Variants in FARP2 observed in about 807,000 individuals in gnomAD.
FARP2 encodes the protein FERM, ARHGEF and pleckstrin domain-containing protein 2.
Under a neutral mutation model 130.5 loss-of-function variants are expected in FARP2, and 111 were observed. The observed-to-expected ratio is 0.85, with a 90% CI of 0.73 to 1.00. The LOEUF (loss-of-function observed/expected upper bound fraction) is 1.00. Among genes scored for constraint, FARP2 ranks in the 50% least tolerant of loss-of-function variants. FARP2 has a pLI of 0.00. For missense variants in FARP2, 1,385 were observed against 1,346.3 expected (o/e 1.03, Z -0.45); for synonymous variants, 504 against 516.9 (o/e 0.98, Z 0.34).
At chr2:241,481,056 CAAAAA>C (rs34996407) in intron 19 of FARP2, among the ~76,000 whole-genome samples, 2 of 105,182 alleles carry the variant, frequency 1.9e-5, no homozygotes, top group Non-Finnish European at 3.8e-5. Flanking sequence ...TTGTCTCTAC[CAAAAA>C]AAAAAAAAAA....
chr2:241,491,612 C>T lies in FARP2; in HGVS notation c.2720C>T (p.Thr907Ile). 9 of 1,613,738 alleles carry T rather than the reference C, an allele frequency of 5.6e-6. No homozygotes were observed. The highest frequency in any genetic ancestry group is 7.6e-6 in the Non-Finnish European group (9 of 1,179,972). ...GGGCATGGCCAGCACCGGGCCAACA[C>T]CACAATGCACGTGTGCTGGTACCGG... Reference protein sequence around the residue: ...LEGHGQHRANTTMHVCWYRNT... With the variant: ...LEGHGQHRANITMHVCWYRNT... The change falls in exon 24 of 27, where the codon ACC becomes ATC. Residue 907 changes from threonine (T) to isoleucine (I), a missense_variant. Physicochemically the swap from Thr to Ile is moderately conservative, Grantham distance 89. Coordinates refer to ENST00000264042, the MANE Select transcript of FARP2 (RefSeq NM_014808.4).
chr2:241,444,208 G>T (rs1416011311), intron 13 of FARP2: 1 of 152,242 alleles, frequency 6.6e-6, no homozygotes, highest in Non-Finnish European at 1.5e-5. Flanking sequence ...TTCTACATTG[G>T]CTAACAAATA....
At chr2:241,440,183 G>A (rs1189484025) in intron 12 of FARP2, among the ~76,000 whole-genome samples, 3 of 152,134 alleles carry the variant, frequency 2.0e-5, no homozygotes, top group South Asian at 2.1e-4. Flanking sequence ...ATGGTAACAC[G>A]TGCATGTGTA....
At chr2:241,492,707 A>G in intron 24 of FARP2, 1 of 520,832 alleles carries the variant, frequency 1.9e-6, no homozygotes, top group South Asian at 2.6e-5. Flanking sequence ...GCACAGGGAA[A>G]GGGAACTCAC....
At chr2:241,403,963 G>A in intron 3 of FARP2, 31 bp downstream of exon 3, 1 of 1,226,288 alleles carries the variant, frequency 8.2e-7, no homozygotes, top group South Asian at 1.2e-5. Flanking sequence ...CAGGCGTGGA[G>A]CCTTTGGGCC....
rs1180224982 is a variant in FARP2, at chr2:241,453,769, G to GTTT, written c.1412-2948_1412-2946dup. ...TGTTTACTGGGAGTGGCACTTACTG[G>GTTT]TTTTTTTTTTTTTTTTTTTTTTTTT... On this transcript the variant is annotated intron_variant, in intron 13 of 26. Transcript: ENST00000264042. Among the ~76,000 whole-genome samples, 92 of 54,030 alleles carry GTTT rather than the reference G, an allele frequency of 1.7e-3. 7 individuals carry two copies. Among genetic ancestry groups the GTTT allele is most frequent in the African/African-American group, 5.3e-3 (73 of 13,694 alleles). 35.4% of individuals were successfully genotyped at this position (54,030 alleles called of 152,430 possible).
At chr2:241,423,254 CAG>C (rs1375165757) in intron 8 of FARP2, among the ~76,000 whole-genome samples, 3 of 152,220 alleles carry the variant, frequency 2.0e-5, no homozygotes, top group African/African-American at 7.2e-5. Context: ...TTCAGACTAA[CAG>C]GGGACCTCTC....
At chr2:241,492,757 T>C in intron 24 of FARP2, 172 bp from the exon 25 acceptor site, 1 of 564,732 alleles carries the variant, frequency 1.8e-6, no homozygotes, top group Non-Finnish European at 3.2e-6. Flanking sequence ...GTTTTTAACA[T>C]GCTTCTGTTG....
At chr2:241,442,217 G>C (rs745982158) in intron 13 of FARP2, 78 of 456,584 alleles carry the variant, frequency 1.7e-4, no homozygotes, top group Non-Finnish European at 3.0e-4. Flanking sequence ...CACACATGCA[G>C]CTCAGCCAGT....
rs1466169827 is a variant in FARP2, at chr2:241,482,426, A to G, written c.2263-1039A>G. On this transcript the variant is annotated intron_variant, in intron 19 of 26. Transcript: ENST00000264042. The surrounding 1 kb of genome is among the most constrained non-coding windows in gnomAD (Gnocchi z 4.6). ...GAACGGCCACTCCCAGGGCCAAGCAATTGCCAGCAGCTCACAGGGACCTCG... is the reference window on the plus strand; with the variant it reads ...GAACGGCCACTCCCAGGGCCAAGCAGTTGCCAGCAGCTCACAGGGACCTCG... Among the ~76,000 whole-genome samples the G allele has an allele frequency of 6.6e-6, 1 of 152,116 alleles. No individual in the cohort carries two copies. Among genetic ancestry groups the G allele is most frequent in the East Asian group, 1.9e-4 (1 of 5,188 alleles).
intron 8 of FARP2, among the ~76,000 whole-genome samples, chr2:241,428,733 A>G (rs2063020441): frequency 6.6e-6 from 1 of 152,008 alleles, no homozygotes; most frequent in East Asian, 1.9e-4. Context: ...GACCGTCACT[A>G]CTATCTAATT....
chr2:241,403,839 T>A lies in FARP2; in HGVS notation c.195T>A (p.Asp65Glu). The change falls in exon 3 of 27, where the codon GAT becomes GAA. Residue 65 changes from aspartate to glutamate, a missense_variant. Physicochemically the swap from Asp to Glu is conservative, Grantham distance 45 (BLOSUM62 2). Transcript: ENST00000264042. ...MEIFDIEPKC[D>E]GQVLLTQVWK... ...CTCTCTCTGCACAGCCTAAATGCGA[T>A]GGCCAGGTATTACTGACACAAGTGT... The A allele has an allele frequency of 6.2e-7, 1 of 1,611,556 alleles. No individual in the cohort carries two copies. Among genetic ancestry groups the A allele is most frequent in the South Asian group, 1.1e-5 (1 of 90,998 alleles).
At chr2:241,441,276 TTTTTC>T (rs2063375329) in intron 12 of FARP2, 23 bp from the exon 13 acceptor site, 1 of 1,540,748 alleles carries the variant, frequency 6.5e-7, no homozygotes, top group Non-Finnish European at 8.7e-7. Flanking sequence ...TTATATCCTT[TTTTTC>T]TTTTCTTAAC....
At chr2:241,483,291 A>C (rs1026655399) in intron 19 of FARP2, among the ~76,000 whole-genome samples, 174 bp from the exon 20 acceptor site, 1 of 152,216 alleles carries the variant, frequency 6.6e-6, no homozygotes, top group African/African-American at 2.4e-5. Flanking sequence ...CTGGTGACCA[A>C]GGGCACTGCT....
At chr2:241,423,434 C>T (rs983030323) in intron 8 of FARP2, among the ~76,000 whole-genome samples, 3 of 152,176 alleles carry the variant, frequency 2.0e-5, no homozygotes, top group Admixed American at 6.5e-5. Flanking sequence ...CACCACCAGG[C>T]CTGCTTTGCA....
At chr2:241,479,912 ACT>A (rs1346278748) in intron 19 of FARP2, among the ~76,000 whole-genome samples, 1 of 151,548 alleles carries the variant, frequency 6.6e-6, no homozygotes, top group African/African-American at 2.4e-5. Context: ...TTCTCTCACC[ACT>A]CTCTCATTTT....
chr2:241,404,278 T>A (rs908672681), intron 3 of FARP2, among the ~76,000 whole-genome samples: 1 of 152,184 alleles, frequency 6.6e-6, no homozygotes. Context: ...AGTGTGGAGT[T>A]TTAATATTTA....
intron 21 of FARP2, among the ~76,000 whole-genome samples, chr2:241,486,516 T>C (rs2064756991): frequency 2.1e-5 from 1 of 48,590 alleles, no homozygotes; most frequent in African/African-American, 7.1e-5. Flanking sequence ...GAAAAAGAAC[T>C]CTATCATCGT....
At chr2:241,410,180 A>G (rs1190719810) in intron 5 of FARP2, among the ~76,000 whole-genome samples, 1 of 152,232 alleles carries the variant, frequency 6.6e-6, no homozygotes, top group East Asian at 1.9e-4. Flanking sequence ...CATTCTCACT[A>G]ATGGTATTCC....
Sources: gnomAD v4.1 joint callset for allele counts (sites outside exome capture counted in the v4.1 genomes callset) on GRCh38, gnomAD v4.1.1 for gene constraint, Gnocchi (gnomAD v3.1) non-coding constraint, MANE v1.5 for transcripts, NCBI Gene and HGNC (gene_info 2026-07-23, HGNC 2026-07-21) for gene names.